The following NUDCD1 variants were observed in gnomAD, a reference collection of about 807,000 sequenced individuals.
The protein encoded by NUDCD1 is nudC domain-containing protein 1.
A neutral mutation model predicts 67.8 loss-of-function variants in NUDCD1; 60 were observed. The observed-to-expected ratio is 0.88, with a 90% confidence interval of 0.72 to 1.10. The LOEUF (loss-of-function observed/expected upper bound fraction) is 1.10, where lower values mean the gene tolerates loss of function less well. NUDCD1 is among the 50% of genes least tolerant of loss of function. The pLI, the probability that NUDCD1 is intolerant of heterozygous loss-of-function variation, is 0.00. For missense variants in NUDCD1, 643 were observed against 695.0 expected (o/e 0.93, Z 0.84); for synonymous variants, 244 against 230.8 (o/e 1.06, Z -0.52).
At chr8:109,247,498 G>A (rs539930576) in intron 8 of NUDCD1, among the ~76,000 whole-genome samples, 2 of 152,236 alleles carry the variant, frequency 1.3e-5, no homozygotes, top group Admixed American at 6.5e-5. Flanking sequence ...TAAGAATGAA[G>A]GTAGGTGCCT....
chr8:109,245,518 A>T (rs1813474494), intron 8 of NUDCD1, 37 bp from the exon 9 acceptor site: 1 of 1,517,144 alleles, frequency 6.6e-7, no homozygotes, highest in Admixed American at 1.8e-5. Flanking sequence ...ACTCAACAAC[A>T]AATTAATAAT....
chr8:109,316,284 G>A (rs1300018358), intron 2 of NUDCD1: 1 of 152,154 alleles, frequency 6.6e-6, no homozygotes. Flanking sequence ...AAACCTACAA[G>A]TTAAACTTTT....
At chr8:109,287,637 A>G (rs974821013) in intron 5 of NUDCD1, among the ~76,000 whole-genome samples, 1 of 152,166 alleles carries the variant, frequency 6.6e-6, no homozygotes, top group Admixed American at 6.5e-5. Context: ...AGGGACTACT[A>G]GAGGGGGTAG....
chr8:109,247,149 G>A (rs1563657108), intron 8 of NUDCD1, among the ~76,000 whole-genome samples: 1 of 152,172 alleles, frequency 6.6e-6, no homozygotes, highest in East Asian at 1.9e-4. Flanking sequence ...TACCTAACTG[G>A]CCTTTTATTA....
rs765957289 is a variant in NUDCD1, at chr8:109,327,128, T to A, written c.119-4665A>T. On this transcript the variant is annotated intron_variant, in intron 1 of 9. Transcript: ENST00000239690. ...AGAATCAACCCAATAAGCCTTCTTT[T>A]CACCTAGTTACTGAGCTTGCTATTT... is the stretch of plus-strand genomic sequence containing the variant. Among the ~76,000 whole-genome samples, 6 of 152,340 alleles carry A rather than the reference T, an allele frequency of 3.9e-5. No homozygotes were observed. The South Asian group carries it at 8.3e-4, about 21-fold the overall frequency.
At chr8:109,283,821 A>G (rs1352275501) in intron 5 of NUDCD1, among the ~76,000 whole-genome samples, 3 of 152,244 alleles carry the variant, frequency 2.0e-5, no homozygotes, top group Admixed American at 2.0e-4. Flanking sequence ...TGCTACCACA[A>G]AAACACAAGG....
At chr8:109,259,628 T>C (rs1267993835) in intron 8 of NUDCD1, among the ~76,000 whole-genome samples, 1 of 152,168 alleles carries the variant, frequency 6.6e-6, no homozygotes, top group African/African-American at 2.4e-5. Context: ...AAAAGGCAGG[T>C]TGAGTACTGG....
intron 8 of NUDCD1, among the ~76,000 whole-genome samples, chr8:109,246,375 A>G (rs1376113745): frequency 6.6e-6 from 1 of 152,210 alleles, no homozygotes; most frequent in Admixed American, 6.5e-5. Context: ...TTAAGGGATG[A>G]AAGAACAGGC....
chr8:109,325,839 G>C (rs953519813), intron 1 of NUDCD1, among the ~76,000 whole-genome samples: 1 of 152,138 alleles, frequency 6.6e-6, no homozygotes, highest in Non-Finnish European at 1.5e-5. Context: ...AAACAAATTG[G>C]AATAAAGCAG....
At chr8:109,286,118 C>T (rs933796955) in intron 5 of NUDCD1, among the ~76,000 whole-genome samples, 4 of 151,948 alleles carry the variant, frequency 2.6e-5, no homozygotes, top group Middle Eastern at 3.2e-3. Context: ...AAGATCTCTA[C>T]AAGGAGAATT....
In NUDCD1 at chr8:109,281,060, GT is replaced by G. The variant is rs1226066461; in HGVS notation, c.935del (p.Asn312ThrfsTer4). 1.2e-6 allele frequency: 2 copies of G among 1,612,164 alleles called. No individual in the cohort carries two copies. Among genetic ancestry groups the G allele is most frequent in the African/African-American group, 2.7e-5 (2 of 74,878 alleles). On this transcript the variant is annotated frameshift_variant, in exon 6 of 10. Coordinates refer to ENST00000239690, the MANE Select transcript of NUDCD1 (RefSeq NM_032869.4). LOFTEE classifies it high-confidence loss of function. The stretch of plus-strand genomic sequence containing the variant: ...AAAACTGGTGATCCTTCAGTACAAT[GT>G]TGATGTGATCAGGCAAAAACTGTAT... ...IQIQFLPDHI[N>X]IVLKDHQFLE... is the part of the protein sequence containing the mutation.
chr8:109,264,523 T>C (rs1813947793), intron 8 of NUDCD1, among the ~76,000 whole-genome samples: 3 of 152,202 alleles, frequency 2.0e-5, no homozygotes, highest in African/African-American at 7.2e-5. Context: ...CAAGTTATCG[T>C]CATGGGTAAA....
intron 8 of NUDCD1, among the ~76,000 whole-genome samples, chr8:109,247,132 T>A (rs947847355): frequency 1.3e-5 from 2 of 152,170 alleles, no homozygotes; most frequent in African/African-American, 2.4e-5. Context: ...ATTTTCAAAG[T>A]CACCACTACC....
At chr8:109,268,205 C>G (rs550772194) in intron 8 of NUDCD1, among the ~76,000 whole-genome samples, 10 of 152,112 alleles carry the variant, frequency 6.6e-5, no homozygotes, top group African/African-American at 2.4e-4. Context: ...TTTATAAATT[C>G]CTGAGGAGTG....
At chr8:109,278,056 ATAC>A (rs1814338669) in intron 6 of NUDCD1, among the ~76,000 whole-genome samples, 1 of 152,220 alleles carries the variant, frequency 6.6e-6, no homozygotes, top group Non-Finnish European at 1.5e-5. Context: ...CATGGATCAT[ATAC>A]TACTAATTAA....
intron 4 of NUDCD1, 58 bp from the exon 5 acceptor site, chr8:109,289,991 T>A: frequency 2.6e-6 from 2 of 756,296 alleles, no homozygotes; most frequent in Non-Finnish European, 4.0e-6. Context: ...ATCAAAATAT[T>A]CTGATATTTA....
intron 5 of NUDCD1, among the ~76,000 whole-genome samples, chr8:109,283,457 T>C (rs1024357901): frequency 1.3e-5 from 2 of 151,974 alleles, no homozygotes; most frequent in African/African-American, 4.8e-5. Context: ...AGAAATACTA[T>C]ACAAAATGAA....
At chr8:109,304,697 G>A (rs1038352397) in intron 2 of NUDCD1, among the ~76,000 whole-genome samples, 3 of 152,022 alleles carry the variant, frequency 2.0e-5, no homozygotes, top group Admixed American at 6.5e-5. Flanking sequence ...TCTCAAGGCC[G>A]CTTTACTTCC....
intron 2 of NUDCD1, among the ~76,000 whole-genome samples, chr8:109,305,458 C>T (rs992029963): frequency 3.9e-5 from 6 of 152,130 alleles, no homozygotes; most frequent in Admixed American, 1.3e-4. Context: ...AAAAGTAGAA[C>T]GGACTAATGG....
Sources: gnomAD v4.1 joint callset for allele counts (sites outside exome capture counted in the v4.1 genomes callset) on GRCh38, gnomAD v4.1.1 for gene constraint, MANE v1.5 for transcripts, NCBI Gene and HGNC (gene_info 2026-07-23, HGNC 2026-07-21) for gene names.